The following CUL1 variants were observed in gnomAD, a reference collection of about 807,000 sequenced individuals.
CUL1 encodes cullin 1.
Under a neutral mutation model 118.0 loss-of-function variants are expected in CUL1, and 24 were observed. The ratio of observed to expected loss-of-function variants is 0.20; its 90% confidence interval spans 0.15 to 0.29. The LOEUF is 0.29. Ranked by LOEUF, CUL1 falls within the 10% of genes least tolerant of loss-of-function variation. CUL1 has a pLI of 1.00. For synonymous variants in CUL1, 332 were observed against 340.4 expected, an observed-to-expected ratio of 0.98 and a Z score of 0.27; for missense variants, 361 against 933.8, an observed-to-expected ratio of 0.39 and a Z score of 7.99.
chr7:148,704,160 C>CA (rs1319761761), intron 1 of CUL1, among the ~76,000 whole-genome samples: 1 of 137,684 alleles, frequency 7.3e-6, no homozygotes, highest in Non-Finnish European at 1.5e-5. Context: ...AAAGCGGCCC[C>CA]CCCCCACCCC....
At chr7:148,767,810 A>G in intron 9 of CUL1, 61 bp downstream of exon 9, 2 of 1,517,392 alleles carry the variant, frequency 1.3e-6, no homozygotes, top group Non-Finnish European at 1.8e-6. Flanking sequence ...AACTGCAAGC[A>G]TATGTTATGC....
intron 1 of CUL1, among the ~76,000 whole-genome samples, chr7:148,702,458 G>A (rs998038279): frequency 6.6e-6 from 1 of 152,190 alleles, no homozygotes; most frequent in Non-Finnish European, 1.5e-5. Context: ...GATTCCATGG[G>A]AATGCCACAG....
intron 9 of CUL1, among the ~76,000 whole-genome samples, chr7:148,778,420 A>T (rs1800493371): frequency 6.6e-6 from 1 of 152,172 alleles, no homozygotes; most frequent in Non-Finnish European, 1.5e-5. Context: ...ACCTTCCCAG[A>T]TAATGGTCCA....
chr7:148,786,976 G>T lies in CUL1; in HGVS notation c.1348-13G>T, dbSNP rs754937000. 3.7e-6 allele frequency: 6 copies of T among 1,604,826 alleles called. No homozygotes were observed. In the Admixed American group the frequency reaches 8.4e-5, roughly 22 times the overall value. ...TGTGCTGGTTAAGTGTGTTGTCTCG[G>T]TGGCTTTGCCAGATGGTTGTCTTCA... On this transcript the variant is annotated splice_polypyrimidine_tract_variant and intron_variant, in intron 12 of 21. Transcript: ENST00000325222.
chr7:148,770,670 A>G (rs1482134320), intron 9 of CUL1, among the ~76,000 whole-genome samples: 1 of 152,084 alleles, frequency 6.6e-6, no homozygotes, highest in Non-Finnish European at 1.5e-5. Flanking sequence ...TGCCACCTCC[A>G]TTCGCCATCT....
At chr7:148,715,345 C>T (rs1003804648) in intron 1 of CUL1, among the ~76,000 whole-genome samples, 1 of 151,000 alleles carries the variant, frequency 6.6e-6, no homozygotes, top group African/African-American at 2.4e-5. Flanking sequence ...AGCCAGGTTT[C>T]ATTGCTTTCT....
chr7:148,734,185 G>A (rs1024124833), intron 2 of CUL1, among the ~76,000 whole-genome samples: 1 of 152,162 alleles, frequency 6.6e-6, no homozygotes, highest in Non-Finnish European at 1.5e-5. Flanking sequence ...TGTCTGTTAA[G>A]CGCTTCCAAC....
intron 1 of CUL1, among the ~76,000 whole-genome samples, chr7:148,718,166 A>T (rs1057282953): frequency 6.6e-6 from 1 of 152,246 alleles, no homozygotes; most frequent in Non-Finnish European, 1.5e-5. Flanking sequence ...TTTGAACCAT[A>T]AGATTTACAG....
At chr7:148,782,458 A>G (rs1288553052) in intron 9 of CUL1, among the ~76,000 whole-genome samples, 1 of 152,212 alleles carries the variant, frequency 6.6e-6, no homozygotes, top group Non-Finnish European at 1.5e-5. Flanking sequence ...GTAATTTTAA[A>G]ATATTAAATA....
chr7:148,744,279 A>G (rs1309000395), intron 2 of CUL1, among the ~76,000 whole-genome samples: 1 of 151,954 alleles, frequency 6.6e-6, no homozygotes, highest in African/African-American at 2.4e-5. Flanking sequence ...TTTTAGGCCT[A>G]CCATTTTGTT....
At chr7:148,791,113 G>T (rs1800990865) in intron 16 of CUL1, among the ~76,000 whole-genome samples, 1 of 152,116 alleles carries the variant, frequency 6.6e-6, no homozygotes, top group African/African-American at 2.4e-5. Flanking sequence ...TTGAGGCTAG[G>T]AGTTTGAGAC....
At chr7:148,702,051 T>G (rs1048326876) in intron 1 of CUL1, among the ~76,000 whole-genome samples, 1 of 152,182 alleles carries the variant, frequency 6.6e-6, no homozygotes, top group African/African-American at 2.4e-5. Context: ...ATCAGTGTGT[T>G]TGTTTTGCTT....
intron 3 of CUL1, among the ~76,000 whole-genome samples, chr7:148,754,441 G>T (rs1312736913): frequency 6.6e-6 from 1 of 152,072 alleles, no homozygotes; most frequent in Non-Finnish European, 1.5e-5. Context: ...CTGAGTAGCT[G>T]AGACTCTGCA....
At chr7:148,759,253 C>T in intron 4 of CUL1, 51 bp from the exon 5 acceptor site, 4 of 1,545,410 alleles carry the variant, frequency 2.6e-6, no homozygotes, top group Non-Finnish European at 3.6e-6. Flanking sequence ...TGACTTCAAT[C>T]TTGGAAAAAC....
At chr7:148,734,218 A>G (rs186409914) in intron 2 of CUL1, among the ~76,000 whole-genome samples, 126 of 152,180 alleles carry the variant, frequency 8.3e-4, no homozygotes, top group Admixed American at 2.7e-3. Flanking sequence ...GTTTTCTATG[A>G]TGTCTTACAT....
chr7:148,700,399 A>C (rs530267163), intron 1 of CUL1, among the ~76,000 whole-genome samples: 16 of 152,332 alleles, frequency 1.1e-4, no homozygotes, highest in African/African-American at 3.4e-4. Flanking sequence ...GTGCACCCGA[A>C]AATGTACCCG....
intron 1 of CUL1, among the ~76,000 whole-genome samples, chr7:148,711,177 T>A (rs1798038488): frequency 6.6e-6 from 1 of 152,236 alleles, no homozygotes; most frequent in Non-Finnish European, 1.5e-5. Context: ...AATGTACACT[T>A]CTGTGCATAT....
intron 9 of CUL1, among the ~76,000 whole-genome samples, chr7:148,776,340 G>A (rs1800400084): frequency 8.0e-5 from 1 of 12,496 alleles, no homozygotes; most frequent in African/African-American, 3.7e-4. Context: ...TTTTTGAGAT[G>A]GAGTCTCACT....
chr7:148,800,682 G>A lies in CUL1; in HGVS notation c.*100G>A. 1 of 899,590 alleles carries A rather than the reference G, an allele frequency of 1.1e-6. No individual in the cohort carries two copies. The highest frequency in any genetic ancestry group is 1.8e-6 in the Non-Finnish European group (1 of 568,820). The allele number at this position is 899,590 out of a possible 1,614,324, so 55.7% of individuals were successfully genotyped here. A position where few individuals can be genotyped will look rare whatever the true frequency, so the allele number is the denominator to read the frequency against. ...CATAGCAGCCAGCCTGCCGCCATTG[G>A]ACCTCCCTTTTAAAAACTGAGACCA... is the stretch of plus-strand genomic sequence containing the variant. On this transcript the variant is annotated 3_prime_UTR_variant, in exon 22 of 22. Coordinates refer to ENST00000325222, the MANE Select transcript of CUL1 (RefSeq NM_003592.3). The surrounding 1 kb of genome is among the most constrained non-coding windows in gnomAD (Gnocchi z 4.6).
Sources: gnomAD v4.1 joint callset for allele counts (sites outside exome capture counted in the v4.1 genomes callset) on GRCh38, gnomAD v4.1.1 for gene constraint, Gnocchi (gnomAD v3.1) non-coding constraint, MANE v1.5 for transcripts, NCBI Gene and HGNC (gene_info 2026-07-23, HGNC 2026-07-21) for gene names.